Variants in ZNF536 observed in about 807,000 individuals in gnomAD.
The protein encoded by ZNF536 is zinc finger protein 536.
In ZNF536, 13 loss-of-function variants were observed where a neutral mutation model predicts 84.5. That is an observed-to-expected ratio of 0.15 (90% CI 0.10 to 0.24). ZNF536 has a LOEUF of 0.24. Ranked by LOEUF, ZNF536 falls within the 10% of genes least tolerant of loss-of-function variation. ZNF536 has a pLI of 1.00. For synonymous variants in ZNF536, 811 were observed against 742.5 expected (o/e 1.09, Z -1.50); for missense variants, 1,536 against 1,747.5 (o/e 0.88, Z 2.16).
chr19:30,679,482 C>T (rs2050883881), intron 1 of ZNF536, among the ~76,000 whole-genome samples: 2 of 152,208 alleles, frequency 1.3e-5, no homozygotes, highest in Admixed American at 6.5e-5. Context: ...GCCCACCGGG[C>T]TGCCTGCCAG....
intron 2 of ZNF536, among the ~76,000 whole-genome samples, chr19:30,304,801 C>T (rs1307883624): frequency 2.6e-5 from 4 of 152,192 alleles, no homozygotes; most frequent in Admixed American, 2.6e-4. Flanking sequence ...CCTGCAGGCT[C>T]TTAGCCGCTG....
At chr19:30,592,070 A>T (rs2047294150) in intron 1 of ZNF536, among the ~76,000 whole-genome samples, 1 of 152,250 alleles carries the variant, frequency 6.6e-6, no homozygotes, top group South Asian at 2.1e-4. Flanking sequence ...TTATTTATAG[A>T]TGGCAACAAG....
At chr19:30,641,593 G>T (rs2043310) in intron 1 of ZNF536, among the ~76,000 whole-genome samples, 5,552 of 152,282 alleles carry the variant, frequency 0.036, 339 homozygotes, top group African/African-American at 0.13. Context: ...TACAGGGAAT[G>T]TCTTTGAACA....
At chr19:30,482,977 G>A (rs961621803) in intron 2 of ZNF536, among the ~76,000 whole-genome samples, 2 of 152,120 alleles carry the variant, frequency 1.3e-5, no homozygotes, top group Admixed American at 1.3e-4. Flanking sequence ...GGAGCCTGGG[G>A]ACACCACTCC....
At chr19:30,503,342 G>A (rs2055027000) in intron 2 of ZNF536, among the ~76,000 whole-genome samples, 2 of 152,090 alleles carry the variant, frequency 1.3e-5, no homozygotes, top group South Asian at 4.1e-4. Flanking sequence ...ATGGTCAAAG[G>A]ACATGAGCAG....
intron 1 of ZNF536, among the ~76,000 whole-genome samples, chr19:30,384,073 C>T (rs575877082): frequency 9.0e-4 from 128 of 141,796 alleles, no homozygotes; most frequent in African/African-American, 3.3e-3. Context: ...TCCCCTTTAT[C>T]CTCTCTTCTT....
chr19:30,524,769 CT>C (rs1207422400), intron 2 of ZNF536, among the ~76,000 whole-genome samples: 1 of 127,478 alleles, frequency 7.8e-6, no homozygotes, highest in Non-Finnish European at 2.0e-5. Context: ...CTATAGTGTT[CT>C]TTTTTTCTTT....
chr19:30,262,770 ACT>A (rs1298405113), intron 1 of ZNF536, among the ~76,000 whole-genome samples: 1 of 151,648 alleles, frequency 6.6e-6, no homozygotes, highest in African/African-American at 2.4e-5. Flanking sequence ...GTACTGCCTG[ACT>A]CTGCGATGCC....
At chr19:30,681,945 G>A (rs2050989112) in intron 1 of ZNF536, among the ~76,000 whole-genome samples, 1 of 152,182 alleles carries the variant, frequency 6.6e-6, no homozygotes, top group Non-Finnish European at 1.5e-5. Flanking sequence ...TGAAGTTGGG[G>A]TCACTCCACT....
chr19:30,411,165 G>A (rs992484785), intron 1 of ZNF536, among the ~76,000 whole-genome samples: 4 of 152,164 alleles, frequency 2.6e-5, no homozygotes, highest in African/African-American at 9.7e-5. Flanking sequence ...CCTCCAAGTG[G>A]CATTGTTAGG....
At chr19:30,233,072 G>A (rs1368574637) in intron 1 of ZNF536, among the ~76,000 whole-genome samples, 1 of 152,174 alleles carries the variant, frequency 6.6e-6, no homozygotes, top group African/African-American at 2.4e-5. Flanking sequence ...CCAGGGGGTT[G>A]GACTGTGCAC....
chr19:30,235,901 A>G (rs2023457703), intron 1 of ZNF536, among the ~76,000 whole-genome samples: 1 of 152,232 alleles, frequency 6.6e-6, no homozygotes, highest in Admixed American at 6.5e-5. Context: ...CAGCAGCCTT[A>G]AATCTGCACC....
intron 1 of ZNF536, among the ~76,000 whole-genome samples, chr19:30,701,462 CACAA>C (rs1428441306): frequency 7.2e-5 from 11 of 151,964 alleles, no homozygotes; most frequent in Admixed American, 1.3e-4. Context: ...AACACAAACA[CACAA>C]ACACACACAG....
chr19:30,530,331 T>TTGTTGTTGTTGTTGTTG (rs774099039), intron 2 of ZNF536, among the ~76,000 whole-genome samples: 7 of 151,306 alleles, frequency 4.6e-5, no homozygotes, highest in Admixed American at 6.6e-5. Flanking sequence ...TCTCTGTCTT[T>TTGTTGTTGTTGTTGTTG]TTGTTGTTGT....
At chr19:30,415,132 C>T (rs1211244688) in intron 1 of ZNF536, among the ~76,000 whole-genome samples, 1 of 147,764 alleles carries the variant, frequency 6.8e-6, no homozygotes, top group East Asian at 2.0e-4. Flanking sequence ...TCTCCTCCTC[C>T]TCCTTTTCCT....
chr19:30,630,400 CGTGTGTGT>C lies in ZNF536; in HGVS notation c.170-80334_170-80327del, dbSNP rs3028497. On this transcript the variant is annotated intron_variant, in intron 1 of 1. Transcript: ENST00000592773. ...AATCCTCATTCTCCAGGAAGTATCC[CGTGTGTGT>C]GTGTGTGTGTGTGTGTGTGTGTTTG... 1.2e-3 allele frequency among the ~76,000 whole-genome samples: 182 copies of C among 149,996 alleles called. 1 individual carries two copies. Among genetic ancestry groups the C allele is most frequent in the Middle Eastern group, 3.4e-3 (1 of 290 alleles).
chr19:30,390,648 T>C (rs2049547274), intron 1 of ZNF536, among the ~76,000 whole-genome samples: 1 of 152,236 alleles, frequency 6.6e-6, no homozygotes, highest in Non-Finnish European at 1.5e-5. Context: ...TCCAAATCTA[T>C]CGGAGCCTGG....
At chr19:30,457,954 G>A (rs76514828) in intron 2 of ZNF536, among the ~76,000 whole-genome samples, 3,853 of 152,296 alleles carry the variant, frequency 0.025, 65 homozygotes, top group Non-Finnish European at 0.038. Flanking sequence ...TGGGTGGTGG[G>A]TGGGACATGA....
chr19:30,654,107 C>T (rs937259737), intron 1 of ZNF536, among the ~76,000 whole-genome samples: 10 of 152,152 alleles, frequency 6.6e-5, no homozygotes, highest in Admixed American at 3.9e-4. Flanking sequence ...CCCTCCCTGT[C>T]GCCGACGCTC....
Sources: allele counts gnomAD v4.1 joint callset (sites outside exome capture counted in the v4.1 genomes callset), GRCh38; gene constraint gnomAD v4.1.1; transcripts MANE v1.5; gene names NCBI Gene and HGNC (gene_info 2026-07-23, HGNC 2026-07-21).